Variants in ANK3 observed in about 807,000 individuals in gnomAD.
ANK3 encodes the protein ankyrin-3.
ANK3 carries 57 observed loss-of-function variants against 370.9 expected under a neutral mutation model. The observed-to-expected ratio is 0.15, with a 90% CI of 0.12 to 0.19. The LOEUF is 0.19. Among genes scored for constraint, ANK3 ranks in the 10% least tolerant of loss-of-function variants. The pLI is 1.00. For synonymous variants in ANK3, 1,929 were observed against 1,946.3 expected (o/e 0.99, Z 0.23); for missense variants, 4,439 against 5,302.1 (o/e 0.84, Z 5.06).
intron 2 of ANK3, 70 bp downstream of exon 2, chr10:60,279,468 G>A (rs1287173196): frequency 1.7e-6 from 2 of 1,201,296 alleles, no homozygotes; most frequent in Non-Finnish European, 2.4e-6. Context: ...AATAAATGAA[G>A]TCTTTAAGGA....
At chr10:60,526,211 A>C (rs2076466858) in intron 2 of ANK3, among the ~76,000 whole-genome samples, 1 of 152,148 alleles carries the variant, frequency 6.6e-6, no homozygotes, top group Admixed American at 6.6e-5. Context: ...AGTTGACAGA[A>C]AAATTAGAAG....
intron 43 of ANK3, among the ~76,000 whole-genome samples, chr10:60,033,838 T>TG (rs34024391): frequency 0.43 from 65,003 of 151,908 alleles, 14,747 homozygotes; most frequent in Non-Finnish European, 0.52. Context: ...TTCTCAAACT[T>TG]GGTTGCACAT....
In ANK3 at chr10:60,475,404, C is replaced by T. The variant is rs10994368; in HGVS notation, c.96+139782G>A. 2.6e-3 allele frequency among the ~76,000 whole-genome samples: 402 copies of T among 152,166 alleles called. 3 individuals carry two copies. Among genetic ancestry groups the T allele is most frequent in the African/African-American group, 9.0e-3 (372 of 41,522 alleles). The stretch of plus-strand genomic sequence containing the variant: ...TTGCATTTCCTGTTCACTACTGTTC[C>T]TTGCGTCCATAAATTTTGGCTTCTG... On this transcript the variant is annotated intron_variant, in intron 2 of 43. Coordinates refer to the ANK3 transcript ENST00000373827.
chr10:60,488,575 C>A (rs2075409717), intron 2 of ANK3, among the ~76,000 whole-genome samples: 1 of 152,132 alleles, frequency 6.6e-6, no homozygotes, highest in African/African-American at 2.4e-5. Flanking sequence ...TCTCCCCTTT[C>A]TCCCAGCCCA....
chr10:60,579,141 A>G (rs1391677013), intron 2 of ANK3, among the ~76,000 whole-genome samples: 1 of 151,948 alleles, frequency 6.6e-6, no homozygotes, highest in Non-Finnish European at 1.5e-5. Flanking sequence ...CTTGGCCAAC[A>G]TGGTGAAACC....
chr10:60,112,481 T>C lies in ANK3; in HGVS notation c.2948+1744A>G, dbSNP rs908503884. Among the ~76,000 whole-genome samples, 4 of 152,208 alleles carry C rather than the reference T, an allele frequency of 2.6e-5. No individual in the cohort carries two copies. The South Asian group carries it at 8.3e-4, about 31-fold the overall frequency. Reference sequence around the variant, plus strand: ...TAATTGAGTTAAAGAAATGCAATGTTACTAACTCAAAAGCCACCATAAAGT... The same window carrying C: ...TAATTGAGTTAAAGAAATGCAATGTCACTAACTCAAAAGCCACCATAAAGT... On this transcript the variant is annotated intron_variant, in intron 26 of 43. Transcript: ENST00000280772.
At chr10:60,573,268 A>C (rs2077639376) in intron 2 of ANK3, among the ~76,000 whole-genome samples, 1 of 151,804 alleles carries the variant, frequency 6.6e-6, no homozygotes, top group Non-Finnish European at 1.5e-5. Flanking sequence ...GCCAATCTTC[A>C]CCTAAGGATT....
intron 4 of ANK3, among the ~76,000 whole-genome samples, chr10:60,275,928 T>G (rs530442857): frequency 3.4e-4 from 52 of 152,340 alleles, no homozygotes; most frequent in Non-Finnish European, 5.4e-4. Context: ...TGTTAATCAT[T>G]GTTGATACAT....
chr10:60,137,569 G>T (rs990708516), intron 24 of ANK3, among the ~76,000 whole-genome samples: 16 of 151,878 alleles, frequency 1.1e-4, no homozygotes, highest in African/African-American at 3.4e-4. Context: ...AAAAATATTT[G>T]CCTCTGAGCA....
intron 1 of ANK3, among the ~76,000 whole-genome samples, chr10:60,379,548 A>G (rs536016497): frequency 6.6e-6 from 1 of 152,332 alleles, no homozygotes; most frequent in South Asian, 2.1e-4. Context: ...AAAAGGAATG[A>G]AATCCTGTCA....
intron 2 of ANK3, among the ~76,000 whole-genome samples, chr10:60,578,515 T>G (rs1444792295): frequency 6.6e-6 from 1 of 152,240 alleles, no homozygotes; most frequent in South Asian, 2.1e-4. Context: ...ATGATGATGA[T>G]AGAATCTAAA....
At chr10:60,580,723 T>C (rs1397952081) in intron 2 of ANK3, among the ~76,000 whole-genome samples, 1 of 152,214 alleles carries the variant, frequency 6.6e-6, no homozygotes, top group Non-Finnish European at 1.5e-5. Flanking sequence ...ATACTGACTT[T>C]GACTTACAAA....
In ANK3 at chr10:60,612,643, C is replaced by T. The variant is rs182986971; in HGVS notation, c.96+2543G>A. ...AGTAGCTGGGATTACAGGCGCTTGCCACCATGCCCGGCTAATTTTTTGTAT... is the reference window on the plus strand; with the variant it reads ...AGTAGCTGGGATTACAGGCGCTTGCTACCATGCCCGGCTAATTTTTTGTAT... On this transcript the variant is annotated intron_variant, in intron 2 of 43. Coordinates refer to the ANK3 transcript ENST00000373827. Among the ~76,000 whole-genome samples the T allele has an allele frequency of 4.0e-3, 604 of 152,286 alleles. 1 individual carries two copies. Among genetic ancestry groups the T allele is most frequent in the African/African-American group, 0.011 (443 of 41,558 alleles).
chr10:60,418,327 A>T (rs1208929804), intron 2 of ANK3, among the ~76,000 whole-genome samples: 5 of 152,092 alleles, frequency 3.3e-5, no homozygotes, highest in Non-Finnish European at 7.3e-5. Flanking sequence ...CCCCATTCCT[A>T]TGTCTCGTTA....
At chr10:60,038,372 G>A (rs2075490719) in intron 43 of ANK3, among the ~76,000 whole-genome samples, 1 of 152,166 alleles carries the variant, frequency 6.6e-6, no homozygotes, top group South Asian at 2.1e-4. Context: ...ACTCCAGCCT[G>A]GGCAACAGGT....
chr10:60,124,799 T>C (rs1408172721), intron 25 of ANK3, among the ~76,000 whole-genome samples: 1 of 152,230 alleles, frequency 6.6e-6, no homozygotes. Context: ...TACCGCCTAA[T>C]AGCTGTGGAC....
chr10:60,157,868 CAGAGAGAGAGAGAGAAAA>C (rs1489184795), intron 23 of ANK3, among the ~76,000 whole-genome samples: 2 of 118,388 alleles, frequency 1.7e-5, no homozygotes, highest in Non-Finnish European at 3.5e-5. Flanking sequence ...AATGGAGAGA[CAGAGAGAGAGAGAGAAAA>C]AGAGAGAGAG....
intron 1 of ANK3, among the ~76,000 whole-genome samples, chr10:60,704,980 G>C (rs2133422270): frequency 6.6e-6 from 1 of 152,200 alleles, no homozygotes; most frequent in South Asian, 2.1e-4. Context: ...ATCTTTATTA[G>C]GAAAATGAAA....
At chr10:60,047,565 T>C (rs1405531620) in intron 42 of ANK3, among the ~76,000 whole-genome samples, 1 of 152,212 alleles carries the variant, frequency 6.6e-6, no homozygotes, top group Non-Finnish European at 1.5e-5. Flanking sequence ...TGAAGAGTGG[T>C]TACCTCTGGG....
Sources: allele counts gnomAD v4.1 joint callset (sites outside exome capture counted in the v4.1 genomes callset), GRCh38; gene constraint gnomAD v4.1.1; transcripts MANE v1.5; gene names NCBI Gene and HGNC (gene_info 2026-07-23, HGNC 2026-07-21).